Variants in PCDH15 observed in about 807,000 individuals in gnomAD.
PCDH15 encodes protocadherin related 15.
A neutral mutation model predicts 178.5 loss-of-function variants in PCDH15; 129 were observed. The observed-to-expected ratio is 0.72, with a 90% CI of 0.63 to 0.84. The LOEUF (loss-of-function observed/expected upper bound fraction) is 0.84. Ranked by LOEUF, PCDH15 falls within the 40% of genes least tolerant of loss-of-function variation. PCDH15 has a pLI of 0.00. For missense variants in PCDH15, 2,230 were observed against 2,099.9 expected (o/e 1.06, Z -1.21); for synonymous variants, 800 against 732.0 (o/e 1.09, Z -1.50).
At chr10:55,499,230 T>G (rs1482581353) in intron 2 of PCDH15, among the ~76,000 whole-genome samples, 1 of 151,896 alleles carries the variant, frequency 6.6e-6, no homozygotes, top group Admixed American at 6.6e-5. Context: ...CTACATGTTT[T>G]AAGTTGCTAA....
intron 3 of PCDH15, among the ~76,000 whole-genome samples, chr10:54,421,693 T>TATATAC (rs1346156229): frequency 8.6e-5 from 10 of 115,906 alleles, no homozygotes; most frequent in East Asian, 6.8e-4. Flanking sequence ...TATATATATA[T>TATATAC]ACACACACAC....
At chr10:54,841,112 T>C (rs1440426233) in intron 3 of PCDH15, among the ~76,000 whole-genome samples, 1 of 151,840 alleles carries the variant, frequency 6.6e-6, no homozygotes, top group East Asian at 1.9e-4. Context: ...AACAGCAGTA[T>C]ATAAGTTCCT....
intron 2 of PCDH15, among the ~76,000 whole-genome samples, chr10:55,160,393 G>T (rs1235287574): frequency 2.0e-5 from 3 of 151,726 alleles, no homozygotes; most frequent in African/African-American, 7.3e-5. Flanking sequence ...GAAGGGAGGT[G>T]TTGTAGGTTT....
chr10:55,566,752 T>C (rs1842310252), intron 2 of PCDH15, among the ~76,000 whole-genome samples: 1 of 151,704 alleles, frequency 6.6e-6, no homozygotes, highest in Non-Finnish European at 1.5e-5. Context: ...TTATAAAAGC[T>C]ACAAAACATT....
chr10:54,099,931 G>T (rs1009711290), intron 15 of PCDH15, among the ~76,000 whole-genome samples: 14 of 152,024 alleles, frequency 9.2e-5, no homozygotes, highest in African/African-American at 3.4e-4. Context: ...AGGGTCTAGG[G>T]AACTAGCATG....
At chr10:53,998,703 T>G (rs2091972848) in intron 20 of PCDH15, among the ~76,000 whole-genome samples, 1 of 152,174 alleles carries the variant, frequency 6.6e-6, no homozygotes, top group Non-Finnish European at 1.5e-5. Flanking sequence ...GAACAGTTTT[T>G]ATTTAGAAGA....
intron 2 of PCDH15, among the ~76,000 whole-genome samples, chr10:54,543,109 C>T (rs1015701683): frequency 1.3e-5 from 2 of 151,312 alleles, no homozygotes; most frequent in Non-Finnish European, 1.5e-5. Context: ...GCCGTGGCCC[C>T]CCAAAACTCC....
intron 3 of PCDH15, among the ~76,000 whole-genome samples, chr10:54,430,874 A>C (rs1278517158): frequency 1.3e-5 from 2 of 152,144 alleles, no homozygotes; most frequent in African/African-American, 4.8e-5. Flanking sequence ...TAACCAGCTC[A>C]CTTAGCAAAA....
chr10:54,264,838 G>A (rs1221862101), intron 8 of PCDH15, among the ~76,000 whole-genome samples: 1 of 152,100 alleles, frequency 6.6e-6, no homozygotes, highest in Non-Finnish European at 1.5e-5. Context: ...AAACATACCT[G>A]AGGAAAAATT....
chr10:55,351,379 C>CT (rs976030931), intron 2 of PCDH15, among the ~76,000 whole-genome samples: 10 of 152,008 alleles, frequency 6.6e-5, no homozygotes, highest in Middle Eastern at 3.4e-3. Flanking sequence ...TAAATTGATG[C>CT]TTTTTCATCC....
chr10:54,719,035 C>A (rs1214443587), intron 1 of PCDH15, among the ~76,000 whole-genome samples: 4 of 151,664 alleles, frequency 2.6e-5, no homozygotes, highest in South Asian at 2.1e-4. Flanking sequence ...TAAATGAAAT[C>A]TTTGAAATAC....
At chr10:54,501,709 T>C (rs1048235517) in intron 3 of PCDH15, among the ~76,000 whole-genome samples, 2 of 152,140 alleles carry the variant, frequency 1.3e-5, no homozygotes, top group African/African-American at 2.4e-5. Flanking sequence ...TTTAAAGATA[T>C]CCAATGCTAT....
intron 1 of PCDH15, among the ~76,000 whole-genome samples, chr10:54,761,789 G>A (rs1947913220): frequency 6.6e-6 from 1 of 152,006 alleles, no homozygotes; most frequent in East Asian, 1.9e-4. Context: ...AACTAATGAA[G>A]GAAGCATGCT....
At chr10:54,064,750 T>G (rs905493174) in intron 18 of PCDH15, among the ~76,000 whole-genome samples, 19 of 151,942 alleles carry the variant, frequency 1.3e-4, no homozygotes, top group African/African-American at 4.6e-4. Context: ...TGCTTCAAAA[T>G]TGGAAGGGGT....
At chr10:55,326,594 T>C (rs768949912) in intron 2 of PCDH15, among the ~76,000 whole-genome samples, 4 of 151,986 alleles carry the variant, frequency 2.6e-5, no homozygotes, top group Non-Finnish European at 4.4e-5. Flanking sequence ...ATTTAATACA[T>C]AGTTTAAATA....
At chr10:54,961,929 C>G (rs1838666898) in intron 2 of PCDH15, among the ~76,000 whole-genome samples, 1 of 152,208 alleles carries the variant, frequency 6.6e-6, no homozygotes, top group Admixed American at 6.5e-5. Flanking sequence ...GAGTTGCCCA[C>G]TTTGGGTCTC....
At chr10:54,553,023 T>A (rs758203449) in intron 2 of PCDH15, among the ~76,000 whole-genome samples, 1 of 152,210 alleles carries the variant, frequency 6.6e-6, no homozygotes, top group Non-Finnish European at 1.5e-5. Context: ...CCATTCCTAA[T>A]CAGTTCCTTC....
At chr10:54,232,863 C>T (rs1336782942) in intron 9 of PCDH15, among the ~76,000 whole-genome samples, 1 of 149,892 alleles carries the variant, frequency 6.7e-6, no homozygotes, top group African/African-American at 2.5e-5. Flanking sequence ...TTTCCTAATC[C>T]CTCTTTTATT....
rs1023559111 is a variant in PCDH15, at chr10:54,548,608, TA to T, written c.92-20732del. On this transcript the variant is annotated intron_variant, in intron 2 of 37. Transcript: ENST00000644397. The stretch of plus-strand genomic sequence containing the variant: ...ATTGTATATATTTATATTATATATT[TA>T]ATATATAGTATATATTATATATAAA... 8.1e-4 allele frequency among the ~76,000 whole-genome samples: 102 copies of T among 125,850 alleles called. 1 individual carries two copies. The highest frequency in any genetic ancestry group is 5.8e-3 in the South Asian group (21 of 3,594). The allele number at this position is 125,850 out of a possible 152,430, so 82.6% of individuals were successfully genotyped here.
Sources: allele counts gnomAD v4.1 joint callset (sites outside exome capture counted in the v4.1 genomes callset), GRCh38; gene constraint gnomAD v4.1.1; transcripts MANE v1.5; gene names NCBI Gene and HGNC (gene_info 2026-07-23, HGNC 2026-07-21).